RPS6KC1: variants seen among roughly 807,000 people sequenced by gnomAD.
The protein encoded by RPS6KC1 is ribosomal protein S6 kinase C1.
A neutral mutation model predicts 103.8 loss-of-function variants in RPS6KC1; 54 were observed. That is an observed-to-expected ratio of 0.52 (90% CI 0.42 to 0.65). The LOEUF (loss-of-function observed/expected upper bound fraction) is 0.65, where lower values mean the gene tolerates loss of function less well. Ranked by LOEUF, RPS6KC1 falls within the 30% of genes least tolerant of loss-of-function variation. The pLI, the probability that RPS6KC1 is intolerant of heterozygous loss-of-function variation, is 0.00. For synonymous variants in RPS6KC1, 439 were observed against 438.7 expected, an observed-to-expected ratio of 1.00 and a Z score of -0.01; for missense variants, 1,151 against 1,253.8, an observed-to-expected ratio of 0.92 and a Z score of 1.24.
chr1:213,225,264 A>T (rs1197377818), intron 8 of RPS6KC1, among the ~76,000 whole-genome samples: 4 of 152,212 alleles, frequency 2.6e-5, no homozygotes, highest in Non-Finnish European at 5.9e-5. Context: ...GCACATTTTT[A>T]AAAAATCACA....
chr1:213,081,386 G>A (rs1391444298), intron 3 of RPS6KC1, among the ~76,000 whole-genome samples: 1 of 152,006 alleles, frequency 6.6e-6, no homozygotes, highest in Non-Finnish European at 1.5e-5. Context: ...TTTCCAACAG[G>A]TTTAGTTCAC....
chr1:213,756,187 C>T, the RPS6KC1 span, among the ~76,000 whole-genome samples: 1 of 152,192 alleles, frequency 6.6e-6, no homozygotes, highest in African/African-American at 2.4e-5. Flanking sequence ...TGTCATCATG[C>T]CAGGGACACT....
chr1:213,123,630 A>G (rs2084647386), intron 5 of RPS6KC1, among the ~76,000 whole-genome samples: 1 of 152,180 alleles, frequency 6.6e-6, no homozygotes, highest in Non-Finnish European at 1.5e-5. Context: ...TTAAAATCAT[A>G]TTTATAAGGG....
chr1:213,796,896 G>A, the RPS6KC1 span, among the ~76,000 whole-genome samples: 6 of 152,128 alleles, frequency 3.9e-5, no homozygotes, highest in African/African-American at 1.4e-4. Flanking sequence ...TCTCCCTCCT[G>A]GTGCTTAGAG....
At chr1:213,161,049 A>C (rs757949308) in intron 6 of RPS6KC1, among the ~76,000 whole-genome samples, 10 of 152,194 alleles carry the variant, frequency 6.6e-5, no homozygotes, top group Admixed American at 1.3e-4. Flanking sequence ...TCATTTGTTT[A>C]ACAAAATTTT....
At chr1:213,370,009 C>T in the RPS6KC1 span, among the ~76,000 whole-genome samples, 3 of 152,168 alleles carry the variant, frequency 2.0e-5, no homozygotes, top group African/African-American at 7.2e-5. Context: ...CCTAATTCTG[C>T]TCTCACTCAC....
At chr1:213,537,185 G>C in the RPS6KC1 span, among the ~76,000 whole-genome samples, 1 of 152,128 alleles carries the variant, frequency 6.6e-6, no homozygotes, top group African/African-American at 2.4e-5. Flanking sequence ...TGCTCCTTGC[G>C]ATAGGCAGGG....
chr1:213,227,757 C>T (rs933743175), intron 8 of RPS6KC1, among the ~76,000 whole-genome samples: 3 of 152,220 alleles, frequency 2.0e-5, no homozygotes, highest in Admixed American at 6.5e-5. Context: ...GAGCCAGCAG[C>T]CATGCATCCC....
At chr1:213,542,585 T>C in the RPS6KC1 span, among the ~76,000 whole-genome samples, 1 of 152,206 alleles carries the variant, frequency 6.6e-6, no homozygotes, top group Non-Finnish European at 1.5e-5. Context: ...TGAGGCATCA[T>C]GAGCTACAGA....
the RPS6KC1 span, among the ~76,000 whole-genome samples, chr1:213,393,278 C>T: frequency 6.6e-3 from 1,008 of 152,314 alleles, 10 homozygotes; most frequent in African/African-American, 0.023. Flanking sequence ...CACAGTCACC[C>T]ACTTAAATAT....
chr1:213,342,396 A>G, the RPS6KC1 span, among the ~76,000 whole-genome samples: 1 of 152,220 alleles, frequency 6.6e-6, no homozygotes, highest in Admixed American at 6.5e-5. Context: ...AGAAAATAAA[A>G]TTGACTTTTC....
the RPS6KC1 span, among the ~76,000 whole-genome samples, chr1:213,319,687 G>A: frequency 6.6e-6 from 1 of 152,042 alleles, no homozygotes; most frequent in African/African-American, 2.4e-5. Context: ...TTGAAAGACA[G>A]GCCTTGCTTG....
In RPS6KC1 at chr1:213,084,983, T is replaced by C. The variant is rs188920027; in HGVS notation, c.262+7167T>C. On this transcript the variant is annotated intron_variant, in intron 3 of 14. Coordinates refer to ENST00000366960, the MANE Select transcript of RPS6KC1 (RefSeq NM_012424.6). ...AAGGTATTGTCAAGCTTTTCCACTG[T>C]GTTAGTTTCCTGGGGCTGCCATAAC... 4.3e-3 allele frequency among the ~76,000 whole-genome samples: 656 copies of C among 152,312 alleles called. 2 individuals are homozygous for C. The highest frequency in any genetic ancestry group is 7.6e-3 in the Non-Finnish European group (516 of 68,032).
intron 1 of RPS6KC1, among the ~76,000 whole-genome samples, chr1:213,055,718 A>C (rs1042133151): frequency 6.6e-6 from 1 of 152,196 alleles, no homozygotes; most frequent in East Asian, 1.9e-4. Context: ...TCTGGTTTCT[A>C]CAAAAATGCC....
chr1:213,255,567 A>G (rs1210303649), intron 12 of RPS6KC1, among the ~76,000 whole-genome samples: 5 of 152,048 alleles, frequency 3.3e-5, no homozygotes, highest in African/African-American at 1.2e-4. Context: ...TTATGCTTAG[A>G]TTTTTTATAT....
chr1:213,303,957 G>A, the RPS6KC1 span, among the ~76,000 whole-genome samples: 2 of 152,028 alleles, frequency 1.3e-5, no homozygotes, highest in African/African-American at 2.4e-5. Flanking sequence ...TGTAATCCCA[G>A]CACTCTGGGA....
At chr1:213,389,787 G>A in the RPS6KC1 span, among the ~76,000 whole-genome samples, 4 of 152,234 alleles carry the variant, frequency 2.6e-5, no homozygotes, top group East Asian at 1.9e-4. Context: ...AGAGGCACCC[G>A]AGCAAAGGGC....
the RPS6KC1 span, among the ~76,000 whole-genome samples, chr1:213,440,082 G>A: frequency 2.0e-5 from 3 of 152,074 alleles, no homozygotes; most frequent in African/African-American, 7.2e-5. Flanking sequence ...CCTTCCATTG[G>A]AATGTTTTTT....
chr1:213,681,766 C>G, the RPS6KC1 span, among the ~76,000 whole-genome samples: 1 of 152,050 alleles, frequency 6.6e-6, no homozygotes, highest in Non-Finnish European at 1.5e-5. Context: ...CCACTGCACT[C>G]CAGCCTGGGT....
Sources: gnomAD v4.1 joint callset for allele counts (sites outside exome capture counted in the v4.1 genomes callset) on GRCh38, gnomAD v4.1.1 for gene constraint, MANE v1.5 for transcripts, NCBI Gene and HGNC (gene_info 2026-07-23, HGNC 2026-07-21) for gene names.